Variants in NBAS observed in about 807,000 individuals in gnomAD.
The protein encoded by NBAS is NAG/BC035112 fusion.
A neutral mutation model predicts 302.5 loss-of-function variants in NBAS; 219 were observed. The observed-to-expected ratio is 0.72, with a 90% confidence interval of 0.65 to 0.81. NBAS has a LOEUF of 0.81. NBAS is among the 30% of genes least tolerant of loss of function. The pLI, the probability that NBAS is intolerant of heterozygous loss-of-function variation, is 0.00. For missense variants in NBAS, 2,932 were observed against 2,841.6 expected (o/e 1.03, Z -0.72); for synonymous variants, 1,118 against 1,021.6 (o/e 1.09, Z -1.80).
the NBAS span, among the ~76,000 whole-genome samples, chr2:15,032,939 A>G: frequency 2.0e-5 from 3 of 152,202 alleles, no homozygotes; most frequent in Non-Finnish European, 4.4e-5. Flanking sequence ...CTTTGATTTC[A>G]TAGGGGAAGG....
At chr2:15,336,665 G>T (rs1672599571) in intron 35 of NBAS, among the ~76,000 whole-genome samples, 1 of 152,120 alleles carries the variant, frequency 6.6e-6, no homozygotes, top group Non-Finnish European at 1.5e-5. Flanking sequence ...AGGAGGCAAA[G>T]GCTACAGTGA....
At chr2:15,200,882 G>A (rs189061835) in intron 48 of NBAS, among the ~76,000 whole-genome samples, 1 of 151,974 alleles carries the variant, frequency 6.6e-6, no homozygotes, top group Non-Finnish European at 1.5e-5. Context: ...CTTAAATTAG[G>A]GTACTTTTGA....
chr2:15,208,719 G>A (rs1398228670), intron 48 of NBAS, among the ~76,000 whole-genome samples: 2 of 151,982 alleles, frequency 1.3e-5, no homozygotes, highest in Non-Finnish European at 2.9e-5. Context: ...ATGAAGAAAT[G>A]AAGAAGGAAA....
Position 15,448,386 on chromosome 2 carries a change from A to G in NBAS, c.2339+12815T>C, listed in dbSNP as rs116437484. Among the ~76,000 whole-genome samples the G allele has an allele frequency of 4.8e-3, 726 of 152,312 alleles. 8 individuals are homozygous for G. Among genetic ancestry groups the G allele is most frequent in the African/African-American group, 0.016 (675 of 41,564 alleles). On this transcript the variant is annotated intron_variant, in intron 21 of 51. Transcript: ENST00000281513. ...TGCTAGCAACTGTGCTAGATGATGT[A>G]TCGCTTACGTTACTTAATCATAAGT...
the NBAS span, among the ~76,000 whole-genome samples, chr2:14,872,185 A>G: frequency 5.9e-5 from 9 of 152,206 alleles, no homozygotes; most frequent in African/African-American, 2.2e-4. Context: ...TATTGAGAGA[A>G]CATAGTAATT....
At chr2:14,813,321 G>T in the NBAS span, among the ~76,000 whole-genome samples, 3 of 152,266 alleles carry the variant, frequency 2.0e-5, no homozygotes, top group South Asian at 4.2e-4. Context: ...ACTTCTTAAA[G>T]ACTTTGTTGA....
chr2:15,174,018 C>T (rs1290685163), intron 51 of NBAS, among the ~76,000 whole-genome samples: 1 of 152,210 alleles, frequency 6.6e-6, no homozygotes, highest in Non-Finnish European at 1.5e-5. Flanking sequence ...GTAAATTAAC[C>T]AACCACTAGT....
In NBAS at chr2:15,288,351, C is replaced by T. The variant is rs577024838; in HGVS notation, c.5028-1168G>A. Among the ~76,000 whole-genome samples the T allele has an allele frequency of 5.9e-5, 9 of 152,206 alleles. No homozygotes were observed. In the East Asian group the frequency reaches 9.7e-4, roughly 16 times the overall value. ...TAAAAGAGAAGACCATGAAGCTCCA[C>T]GAGAATGGAAAGTGACCATTGTGAA... On this transcript the variant is annotated intron_variant, in intron 41 of 51. Transcript: ENST00000281513.
chr2:15,548,289 C>A (rs1329892938), intron 6 of NBAS, among the ~76,000 whole-genome samples: 1 of 152,118 alleles, frequency 6.6e-6, no homozygotes, highest in Non-Finnish European at 1.5e-5. Flanking sequence ...TGAGATATGG[C>A]CCCTGCCATC....
At chr2:15,469,069 T>C (rs1431932584) in intron 16 of NBAS, among the ~76,000 whole-genome samples, 1 of 152,180 alleles carries the variant, frequency 6.6e-6, no homozygotes, top group African/African-American at 2.4e-5. Context: ...CTCCCAACTA[T>C]TTCCTCCAAC....
the NBAS span, among the ~76,000 whole-genome samples, chr2:14,837,612 AT>A: frequency 6.6e-6 from 1 of 151,668 alleles, no homozygotes; most frequent in East Asian, 1.9e-4. Flanking sequence ...AACTATTTAG[AT>A]TTTATGTTTA....
In NBAS at chr2:15,505,688, T is replaced by C. The variant is rs78574364; in HGVS notation, c.886-1475A>G. 7.6e-3 allele frequency among the ~76,000 whole-genome samples: 1,155 copies of C among 152,192 alleles called. 19 individuals are homozygous for C. The highest frequency in any genetic ancestry group is 0.057 in the East Asian group (294 of 5,178). On this transcript the variant is annotated intron_variant, in intron 10 of 51. Coordinates refer to ENST00000281513, the MANE Select transcript of NBAS (RefSeq NM_015909.4). ...ATCATAAAAATGAACAAGAAAGAGA[T>C]TCACAATAGTTTGCAGACATGAGAA... is the stretch of plus-strand genomic sequence containing the variant.
chr2:15,511,648 A>T (rs1662151310), intron 9 of NBAS, among the ~76,000 whole-genome samples: 1 of 152,256 alleles, frequency 6.6e-6, no homozygotes, highest in Non-Finnish European at 1.5e-5. Context: ...TGTCTGTATC[A>T]ACACCAATAA....
At chr2:15,318,635 G>C (rs570078892) in intron 38 of NBAS, among the ~76,000 whole-genome samples, 104 of 152,222 alleles carry the variant, frequency 6.8e-4, no homozygotes, top group Middle Eastern at 3.4e-3. Flanking sequence ...AACCAACAAA[G>C]AGCAAAAGAG....
At chr2:14,953,220 G>A in the NBAS span, among the ~76,000 whole-genome samples, 4 of 152,270 alleles carry the variant, frequency 2.6e-5, no homozygotes, top group East Asian at 7.7e-4. Context: ...GGACAAAACT[G>A]GAGGGAGAGA....
At chr2:15,192,894 G>C (rs1031272873) in intron 48 of NBAS, among the ~76,000 whole-genome samples, 5 of 152,126 alleles carry the variant, frequency 3.3e-5, no homozygotes, top group African/African-American at 1.2e-4. Flanking sequence ...GTGATGCACT[G>C]TATGAATAGG....
chr2:15,079,000 T>C, the NBAS span, among the ~76,000 whole-genome samples: 2 of 152,082 alleles, frequency 1.3e-5, no homozygotes, highest in Non-Finnish European at 1.5e-5. Context: ...CTCTGCAAAA[T>C]AGAAAACTGA....
In NBAS at chr2:15,511,688, C is replaced by T. The variant is rs533368814; in HGVS notation, c.747-338G>A. 6.6e-5 allele frequency among the ~76,000 whole-genome samples: 10 copies of T among 152,276 alleles called. No homozygotes were observed. The East Asian group carries it at 1.7e-3, about 26-fold the overall frequency. ...TAATAGATGTGTAGCCTCACCCAGA[C>T]ACATTATGTATTAATTATGGCAATG... On this transcript the variant is annotated intron_variant, in intron 9 of 51. Transcript: ENST00000281513.
chr2:15,106,199 A>C, the NBAS span, among the ~76,000 whole-genome samples: 1 of 152,102 alleles, frequency 6.6e-6, no homozygotes, highest in Non-Finnish European at 1.5e-5. Context: ...TGAATTTTGG[A>C]GCTGTGCCTT....
Sources: gnomAD v4.1 joint callset for allele counts (sites outside exome capture counted in the v4.1 genomes callset) on GRCh38, gnomAD v4.1.1 for gene constraint, MANE v1.5 for transcripts, NCBI Gene and HGNC (gene_info 2026-07-23, HGNC 2026-07-21) for gene names.